WWOX: variants seen among roughly 807,000 people sequenced by gnomAD.
WWOX encodes the protein WW domain containing oxidoreductase, also known as WW domain-containing oxidoreductase.
A neutral mutation model predicts 46.2 loss-of-function variants in WWOX; 69 were observed. The observed-to-expected ratio is 1.49, with a 90% CI of 1.23 to 1.82. The LOEUF (loss-of-function observed/expected upper bound fraction) is 1.82. WWOX is among the 40% of genes most tolerant of loss of function. The probability of loss-of-function intolerance (pLI) is 0.00; values close to 1 mark genes in which losing one functional copy is unlikely to be tolerated. For missense variants in WWOX, 919 were observed against 542.6 expected (o/e 1.69, Z -6.89); for synonymous variants, 359 against 202.6 (o/e 1.77, Z -6.56).
chr16:79,109,432 T>G (rs1203579823), intron 8 of WWOX, among the ~76,000 whole-genome samples: 2 of 152,190 alleles, frequency 1.3e-5, no homozygotes, highest in Non-Finnish European at 2.9e-5. Flanking sequence ...TGGCTCTTTT[T>G]TACTTTAGGG....
chr16:78,583,933 A>G (rs1386347370), intron 8 of WWOX, among the ~76,000 whole-genome samples: 3 of 152,220 alleles, frequency 2.0e-5, no homozygotes, highest in Admixed American at 1.3e-4. Context: ...GCTATGTGAC[A>G]TTGCTGAAGG....
intron 5 of WWOX, among the ~76,000 whole-genome samples, chr16:78,204,267 A>G (rs80074814): frequency 0.033 from 4,990 of 152,072 alleles, 115 homozygotes; most frequent in Non-Finnish European, 0.051. Context: ...AATTTTTTTT[A>G]TTTTTAATGT....
intron 8 of WWOX, among the ~76,000 whole-genome samples, chr16:78,733,842 G>C (rs60217562): frequency 0.027 from 4,172 of 152,166 alleles, 174 homozygotes; most frequent in African/African-American, 0.096. Flanking sequence ...AAGGCAAGAG[G>C]ATCACTTGAG....
At chr16:78,235,913 G>A (rs1285927643) in intron 5 of WWOX, among the ~76,000 whole-genome samples, 1 of 152,154 alleles carries the variant, frequency 6.6e-6, no homozygotes, top group Non-Finnish European at 1.5e-5. Context: ...CAGGAGCCTG[G>A]GCATGGCCTT....
At chr16:78,839,538 A>G (rs1371405338) in intron 8 of WWOX, among the ~76,000 whole-genome samples, 1 of 152,186 alleles carries the variant, frequency 6.6e-6, no homozygotes, top group Non-Finnish European at 1.5e-5. Flanking sequence ...TCATGCTAAT[A>G]GGTGTTAATA....
At position 78,632,313 on chromosome 16, in the gene WWOX, G is replaced by A. The variant is rs573588024; in HGVS notation, c.1056+199561G>A. On this transcript the variant is annotated intron_variant, in intron 8 of 8. Transcript: ENST00000566780. ...TAAATGATATAATTCACTAAAACACGTAGAATAGTATTTGACACAGAGTAG... is the reference window on the plus strand; with the variant it reads ...TAAATGATATAATTCACTAAAACACATAGAATAGTATTTGACACAGAGTAG... Among the ~76,000 whole-genome samples the A allele has an allele frequency of 5.3e-5, 8 of 152,232 alleles. No individual in the cohort carries two copies. The East Asian group carries it at 7.7e-4, about 15-fold the overall frequency.
chr16:79,114,047 G>T (rs1320891459), intron 8 of WWOX, among the ~76,000 whole-genome samples: 1 of 152,160 alleles, frequency 6.6e-6, no homozygotes, highest in Non-Finnish European at 1.5e-5. Flanking sequence ...CTGGCCTAAG[G>T]CCTTCCAAAT....
At chr16:78,938,359 C>G (rs372898927) in intron 8 of WWOX, among the ~76,000 whole-genome samples, 1 of 152,176 alleles carries the variant, frequency 6.6e-6, no homozygotes, top group Admixed American at 6.5e-5. Flanking sequence ...GTGTATACCA[C>G]TGACAGTGTT....
chr16:78,941,157 A>G (rs539221789), intron 8 of WWOX, among the ~76,000 whole-genome samples: 1 of 152,256 alleles, frequency 6.6e-6, no homozygotes, highest in Admixed American at 6.5e-5. Flanking sequence ...GATATACTGA[A>G]CTGGTGCATG....
At chr16:78,353,168 A>G (rs919308950) in intron 5 of WWOX, among the ~76,000 whole-genome samples, 22 of 152,130 alleles carry the variant, frequency 1.4e-4, no homozygotes, top group African/African-American at 5.3e-4. Flanking sequence ...CTGCCTTTTC[A>G]TCATAACACC....
At chr16:78,724,025 G>T (rs967095068) in intron 8 of WWOX, among the ~76,000 whole-genome samples, 2 of 152,098 alleles carry the variant, frequency 1.3e-5, no homozygotes, top group African/African-American at 2.4e-5. Flanking sequence ...GGATGCATAG[G>T]ACTACATGTT....
chr16:79,091,310 A>G (rs758349331), intron 8 of WWOX, among the ~76,000 whole-genome samples: 12 of 151,834 alleles, frequency 7.9e-5, no homozygotes, highest in Admixed American at 6.6e-4. Flanking sequence ...ACCTTTTGCT[A>G]TATGCTGATC....
chr16:78,423,596 G>A (rs2083003538), intron 6 of WWOX, among the ~76,000 whole-genome samples: 1 of 152,030 alleles, frequency 6.6e-6, no homozygotes, highest in South Asian at 2.1e-4. Context: ...GTGAGGCCTA[G>A]GCAGAAGGAT....
intron 5 of WWOX, among the ~76,000 whole-genome samples, chr16:78,377,802 C>G (rs548333949): frequency 1.3e-5 from 2 of 152,284 alleles, no homozygotes; most frequent in South Asian, 2.1e-4. Flanking sequence ...GCACGCAACT[C>G]ATATACTAAA....
At chr16:78,497,240 G>A (rs548844098) in intron 8 of WWOX, among the ~76,000 whole-genome samples, 2 of 150,952 alleles carry the variant, frequency 1.3e-5, no homozygotes, top group Non-Finnish European at 3.0e-5. Context: ...TCATTTTTTT[G>A]CTCTGATTCT....
At chr16:78,647,226 C>T (rs1190443705) in intron 8 of WWOX, among the ~76,000 whole-genome samples, 1 of 152,120 alleles carries the variant, frequency 6.6e-6, no homozygotes, top group Non-Finnish European at 1.5e-5. Context: ...TCTCAGAACA[C>T]ATGGATCAGG....
rs80009828 is a variant in WWOX, at chr16:78,564,465, C to A, written c.1056+131713C>A. On this transcript the variant is annotated intron_variant, in intron 8 of 8. Coordinates refer to ENST00000566780, the MANE Select transcript of WWOX (RefSeq NM_016373.4). ...CAGGGATATTCAAGAAATTGAAGAT[C>A]CTTGAAAATCTAGTCTCCCTCACAA... Among the ~76,000 whole-genome samples, 1,012 of 152,160 alleles carry A rather than the reference C, an allele frequency of 6.7e-3. 6 individuals are homozygous for A. The highest frequency in any genetic ancestry group is 0.023 in the African/African-American group (964 of 41,516).
chr16:79,014,215 G>C (rs1201555093), intron 8 of WWOX, among the ~76,000 whole-genome samples: 1 of 152,190 alleles, frequency 6.6e-6, no homozygotes, highest in Non-Finnish European at 1.5e-5. Flanking sequence ...ATCTTCCCGA[G>C]ATGGTGGTCA....
intron 8 of WWOX, among the ~76,000 whole-genome samples, chr16:78,692,733 A>T (rs7194544): frequency 6.6e-6 from 1 of 152,210 alleles, no homozygotes; most frequent in East Asian, 1.9e-4. Flanking sequence ...TCTTAATTTC[A>T]TGCTTCTTAA....
Sources: allele counts gnomAD v4.1 joint callset (sites outside exome capture counted in the v4.1 genomes callset), GRCh38; gene constraint gnomAD v4.1.1; transcripts MANE v1.5; gene names NCBI Gene and HGNC (gene_info 2026-07-23, HGNC 2026-07-21).